ANKS1B: variants seen among roughly 807,000 people sequenced by gnomAD.
The protein encoded by ANKS1B is ankyrin repeat and sterile alpha motif domain-containing protein 1B.
A neutral mutation model predicts 148.3 loss-of-function variants in ANKS1B; 36 were observed. The observed-to-expected ratio is 0.24, with a 90% CI of 0.19 to 0.32. The LOEUF (loss-of-function observed/expected upper bound fraction) is 0.32, where lower values mean the gene tolerates loss of function less well. Among genes scored for constraint, ANKS1B ranks in the 10% least tolerant of loss-of-function variants. ANKS1B has a pLI of 1.00. For missense variants in ANKS1B, 1,157 were observed against 1,542.6 expected, an observed-to-expected ratio of 0.75 and a Z score of 4.19; for synonymous variants, 542 against 560.8, an observed-to-expected ratio of 0.97 and a Z score of 0.47.
chr12:98,790,707 CAAAATT>C (rs1164148899), intron 22 of ANKS1B, among the ~76,000 whole-genome samples: 2 of 151,936 alleles, frequency 1.3e-5, no homozygotes, highest in African/African-American at 4.8e-5. Flanking sequence ...AGAGCAGAAA[CAAAATT>C]GAAATCTGTG....
intron 9 of ANKS1B, among the ~76,000 whole-genome samples, chr12:99,534,999 G>A (rs938649374): frequency 7.9e-5 from 12 of 151,976 alleles, no homozygotes; most frequent in African/African-American, 2.9e-4. Context: ...ATGAGCCACC[G>A]CGCCCGGCCC....
intron 1 of ANKS1B, among the ~76,000 whole-genome samples, chr12:99,871,658 T>G (rs922585033): frequency 6.6e-6 from 1 of 152,174 alleles, no homozygotes; most frequent in Non-Finnish European, 1.5e-5. Context: ...AGGTATTTTG[T>G]TTTTGTGTGT....
chr12:99,060,877 A>C (rs2042242552), intron 16 of ANKS1B, among the ~76,000 whole-genome samples: 1 of 152,164 alleles, frequency 6.6e-6, no homozygotes, highest in South Asian at 2.1e-4. Flanking sequence ...GAGAAAGGTG[A>C]TATACATTAT....
In ANKS1B at chr12:99,715,385, T is replaced by C. The variant is rs576346725; in HGVS notation, c.1128+57537A>G. 4.6e-5 allele frequency among the ~76,000 whole-genome samples: 7 copies of C among 152,292 alleles called. No individual in the cohort carries two copies. The East Asian group carries it at 1.4e-3, about 29-fold the overall frequency. On this transcript the variant is annotated intron_variant, in intron 8 of 26. Coordinates refer to ENST00000683438, the MANE Select transcript of ANKS1B (RefSeq NM_001352186.2). ...CTCAAAAGCTCCCCTACTGAGCACC[T>C]TGTGACCCCCAACTCCTGCCCACCA...
rs80014021 is a variant in ANKS1B, at chr12:99,982,822, A to T, written c.134+1282T>A. On this transcript the variant is annotated intron_variant, in intron 1 of 26. Transcript: ENST00000683438. ...TTCCAATAAAATGTCACTGTCAACG[A>T]GTATATAGAATAACATATGGGGCTT... is the stretch of plus-strand genomic sequence containing the variant. Among the ~76,000 whole-genome samples, 1,458 of 152,370 alleles carry T rather than the reference A, an allele frequency of 9.6e-3. 19 individuals carry two copies. The highest frequency in any genetic ancestry group is 0.033 in the African/African-American group (1,354 of 41,594).
chr12:99,200,244 G>C (rs779012835), intron 14 of ANKS1B, among the ~76,000 whole-genome samples: 7 of 152,118 alleles, frequency 4.6e-5, no homozygotes, highest in Non-Finnish European at 8.8e-5. Flanking sequence ...TACATCATAA[G>C]GTAAATTTCA....
intron 12 of ANKS1B, among the ~76,000 whole-genome samples, chr12:99,381,555 G>A (rs1256729253): frequency 1.3e-5 from 2 of 152,198 alleles, no homozygotes; most frequent in African/African-American, 4.8e-5. Flanking sequence ...CATGCAGAGG[G>A]TTTCAAGGGT....
chr12:98,929,369 T>G (rs887454671), intron 17 of ANKS1B, among the ~76,000 whole-genome samples: 1 of 152,054 alleles, frequency 6.6e-6, no homozygotes, highest in African/African-American at 2.4e-5. Flanking sequence ...GATCTACAGA[T>G]TCAATCCAAT....
chr12:98,858,311 GC>G lies in ANKS1B; in HGVS notation c.2779-26176del, dbSNP rs2099582034. 2.6e-5 allele frequency among the ~76,000 whole-genome samples: 4 copies of G among 152,308 alleles called. No homozygotes were observed. In the South Asian group the frequency reaches 8.3e-4, roughly 32 times the overall value. Reference sequence around the variant, plus strand: ...AAAGGTAAGTATGTTCAGAGGAAAAGCTGGTCAGATGAATGTAAGAGAGGCT... The same window carrying G: ...AAAGGTAAGTATGTTCAGAGGAAAAGTGGTCAGATGAATGTAAGAGAGGCT... On this transcript the variant is annotated intron_variant, in intron 17 of 26. Transcript: ENST00000683438.
intron 9 of ANKS1B, among the ~76,000 whole-genome samples, chr12:99,532,083 A>T (rs1005983785): frequency 6.6e-6 from 1 of 151,634 alleles, no homozygotes; most frequent in African/African-American, 2.4e-5. Context: ...TTCCTTATAG[A>T]TTCTGCATAT....
intron 17 of ANKS1B, among the ~76,000 whole-genome samples, chr12:98,950,694 C>A (rs988832685): frequency 6.6e-6 from 1 of 152,194 alleles, no homozygotes; most frequent in Non-Finnish European, 1.5e-5. Context: ...CTGCAAGCAG[C>A]CTCACTGGAA....
At chr12:99,719,450 T>C (rs1480843116) in intron 8 of ANKS1B, among the ~76,000 whole-genome samples, 1 of 152,132 alleles carries the variant, frequency 6.6e-6, no homozygotes, top group African/African-American at 2.4e-5. Context: ...TTCTTTCATG[T>C]TCCTCACCCT....
chr12:99,134,645 TCACACACACACACACA>T (rs4016023), intron 15 of ANKS1B, among the ~76,000 whole-genome samples: 1,563 of 105,106 alleles, frequency 0.015, 17 homozygotes, highest in South Asian at 0.026. Flanking sequence ...TCTCTCTCTC[TCACACACACACACACA>T]CACACACACA....
At chr12:98,901,770 C>G (rs563925246) in intron 17 of ANKS1B, among the ~76,000 whole-genome samples, 1 of 152,064 alleles carries the variant, frequency 6.6e-6, no homozygotes, top group South Asian at 2.1e-4. Flanking sequence ...CAAGGAGTCC[C>G]ACGAGTTAGG....
chr12:99,757,711 G>A (rs879470007), intron 8 of ANKS1B, among the ~76,000 whole-genome samples: 6 of 152,032 alleles, frequency 3.9e-5, no homozygotes, highest in Non-Finnish European at 7.4e-5. Flanking sequence ...GTGATGGACT[G>A]AATAAAGAAT....
intron 12 of ANKS1B, among the ~76,000 whole-genome samples, chr12:99,261,996 G>T (rs1370405406): frequency 6.6e-6 from 1 of 152,200 alleles, no homozygotes; most frequent in East Asian, 1.9e-4. Context: ...GCCTCTTGCT[G>T]TTACTCCAAT....
chr12:99,931,271 A>T, intron 1 of ANKS1B, among the ~76,000 whole-genome samples: 1 of 152,126 alleles, frequency 6.6e-6, no homozygotes, highest in East Asian at 1.9e-4. Flanking sequence ...CAGCACACCA[A>T]CGTGGCACAT....
At chr12:98,871,153 C>T (rs2099666802) in intron 17 of ANKS1B, among the ~76,000 whole-genome samples, 1 of 152,148 alleles carries the variant, frequency 6.6e-6, no homozygotes, top group Non-Finnish European at 1.5e-5. Flanking sequence ...AAGTGATCTG[C>T]AAACTTTCTT....
chr12:98,867,615 C>T (rs1326380883), intron 17 of ANKS1B, among the ~76,000 whole-genome samples: 8 of 152,082 alleles, frequency 5.3e-5, no homozygotes, highest in Non-Finnish European at 2.9e-5. Flanking sequence ...AGTCCCAGCA[C>T]TTTGGGAGGC....
Sources: gnomAD v4.1 joint callset for allele counts (sites outside exome capture counted in the v4.1 genomes callset) on GRCh38, gnomAD v4.1.1 for gene constraint, MANE v1.5 for transcripts, NCBI Gene and HGNC (gene_info 2026-07-23, HGNC 2026-07-21) for gene names.